Variants in CACNA1G observed in about 807,000 individuals in gnomAD.
CACNA1G encodes calcium voltage-gated channel subunit alpha1 G.
Under a neutral mutation model 219.4 loss-of-function variants are expected in CACNA1G, and 67 were observed. The observed-to-expected ratio is 0.31, with a 90% CI of 0.25 to 0.37. The LOEUF (loss-of-function observed/expected upper bound fraction) is 0.37, where lower values mean the gene tolerates loss of function less well. CACNA1G is among the 10% of genes least tolerant of loss of function. The pLI is 1.00. For synonymous variants in CACNA1G, 1,296 were observed against 1,345.3 expected, an observed-to-expected ratio of 0.96 and a Z score of 0.80; for missense variants, 2,380 against 3,231.4, an observed-to-expected ratio of 0.74 and a Z score of 6.39.
chr17:50,600,927 C>T lies in CACNA1G; in HGVS notation c.3791+101C>T, dbSNP rs997941583. Reference sequence around the variant, plus strand: ...CAGGGATTTGAGAAGTGGCACCCTGCCTGGGGTGTGAGCAGGGTGGCCTCA... The same window carrying T: ...CAGGGATTTGAGAAGTGGCACCCTGTCTGGGGTGTGAGCAGGGTGGCCTCA... On this transcript the variant is annotated intron_variant, in intron 18 of 37. Coordinates refer to ENST00000359106, the MANE Select transcript of CACNA1G (RefSeq NM_018896.5). This position sits in a 1 kb window ranked among gnomAD's most constrained non-coding sequence, Gnocchi z 4.1. 9.6e-6 allele frequency: 15 copies of T among 1,561,820 alleles called. No homozygotes were observed. The African/African-American group carries it at 1.8e-4, about 18-fold the overall frequency.
chr17:50,601,782 G>A (rs973385459), intron 19 of CACNA1G, among the ~76,000 whole-genome samples: 3 of 152,182 alleles, frequency 2.0e-5, no homozygotes, highest in African/African-American at 7.2e-5. Context: ...GCCCTTCGCT[G>A]TCGGCAGCAA....
At position 50,623,951 on chromosome 17, in the gene CACNA1G, T is replaced by C; in HGVS notation, c.6105T>C (p.Thr2035=). ...PTELPGPDLL[T]VRKSGVSRTH... ...AGCTGCCAGGACCAGACTTACTGAC[T>C]GTGCGGAAGTCTGGGGTCAGCCGAA... The change falls in exon 36 of 38, where the codon ACT becomes ACC. Residue 2035 remains threonine (T), a synonymous_variant. Coordinates refer to ENST00000359106, the MANE Select transcript of CACNA1G (RefSeq NM_018896.5). 6.2e-7 allele frequency: 1 copy of C among 1,613,312 alleles called. No individual in the cohort carries two copies. Among genetic ancestry groups the C allele is most frequent in the African/African-American group, 1.3e-5 (1 of 75,050 alleles).
In CACNA1G at chr17:50,617,541, C is replaced by A. The variant is rs1361597066; in HGVS notation, c.5125C>A (p.Arg1709Ser). 3 of 1,613,930 alleles carry A rather than the reference C, an allele frequency of 1.9e-6. No homozygotes were observed. In the African/African-American group the frequency reaches 4.0e-5, roughly 22 times the overall value. Reference protein sequence around the residue: ...ASLPINPTIIRIMRVLRIARV... With the variant: ...ASLPINPTIISIMRVLRIARV... The stretch of plus-strand genomic sequence containing the variant: ...GCTGCCCATCAACCCCACCATCATC[C>A]GCATCATGAGGGTGCTGCGCATTGC... The change falls in exon 29 of 38, where the codon CGC (arginine) becomes AGC (serine). Residue 1709 changes from arginine to serine, a missense_variant. By Grantham distance (110) the Arg-to-Ser change is moderately radical. Transcript: ENST00000359106. This position sits in a 1 kb window ranked among gnomAD's most constrained non-coding sequence, Gnocchi z 5.8.
In CACNA1G at chr17:50,616,504, C is replaced by T. The variant is rs543065046; in HGVS notation, c.5021+120C>T. ...TTTTCTTAATTCCTGAGGTTCAGCC[C>T]CCACCCTGTGGCTGACGTAGGGGAC... is the stretch of plus-strand genomic sequence containing the variant. On this transcript the variant is annotated intron_variant, in intron 28 of 37. Coordinates refer to ENST00000359106, the MANE Select transcript of CACNA1G (RefSeq NM_018896.5). 2.6e-5 allele frequency: 16 copies of T among 610,590 alleles called. 1 individual carries two copies. In the East Asian group the frequency reaches 4.7e-4, roughly 18 times the overall value. 37.8% of individuals were successfully genotyped at this position (610,590 alleles called of 1,614,324 possible). A position where few individuals can be genotyped will look rare whatever the true frequency, so the allele number is the denominator to read the frequency against.
In CACNA1G at chr17:50,561,004, T is replaced by C; in HGVS notation, c.-456T>C. On this transcript the variant is annotated 5_prime_UTR_variant, in exon 1 of 38. An upstream start codon of the reference 5' UTR is lost. Coordinates refer to ENST00000359106, the MANE Select transcript of CACNA1G (RefSeq NM_018896.5). ...GCCGCCTGGCGCGGAGCCGGGACGA[T>C]GCTGACCCCTTAGATCCGGCTCCAG... 1 of 295,404 alleles carries C rather than the reference T, an allele frequency of 3.4e-6. No homozygotes were observed. The highest frequency in any genetic ancestry group is 2.5e-5 in the South Asian group (1 of 39,978). 18.3% of individuals were successfully genotyped at this position (295,404 alleles called of 1,614,324 possible). A position where few individuals can be genotyped will look rare whatever the true frequency, so the allele number is the denominator to read the frequency against.
intron 9 of CACNA1G, among the ~76,000 whole-genome samples, chr17:50,587,164 C>T (rs569823734): frequency 6.6e-6 from 1 of 152,032 alleles, no homozygotes; most frequent in Admixed American, 6.5e-5. Context: ...ATGGTGGGGG[C>T]GATGTTGTGG....
Position 50,600,675 on chromosome 17 carries a change from C to G in CACNA1G, c.3691-51C>G, listed in dbSNP as rs2046437459. The G allele has an allele frequency of 6.6e-7, 1 of 1,510,404 alleles. No individual in the cohort carries two copies. 93.6% of individuals were successfully genotyped at this position (1,510,404 alleles called of 1,614,324 possible). ...GTGACTCTGCTGAGGAGCCAGGAGCCGGGGAACCTGGAGGCCTGGTCCTGC... is the reference window on the plus strand; with the variant it reads ...GTGACTCTGCTGAGGAGCCAGGAGCGGGGGAACCTGGAGGCCTGGTCCTGC... On this transcript the variant is annotated intron_variant, in intron 17 of 37. Transcript: ENST00000359106. This position sits in a 1 kb window ranked among gnomAD's most constrained non-coding sequence, Gnocchi z 4.1.
At chr17:50,582,583 T>A (rs192799691) in intron 9 of CACNA1G, among the ~76,000 whole-genome samples, 1 of 152,118 alleles carries the variant, frequency 6.6e-6, no homozygotes, top group African/African-American at 2.4e-5. Flanking sequence ...AGAAAAGAAG[T>A]TGCCTTCTCT....
chr17:50,594,959 A>G, intron 13 of CACNA1G, 34 bp from the exon 14 acceptor site: 2 of 1,536,822 alleles, frequency 1.3e-6, no homozygotes, highest in Admixed American at 2.0e-5. Context: ...GCCTGTGACC[A>G]GCAGCCCTCC....
At chr17:50,608,057 CCT>C in intron 25 of CACNA1G, 38 bp downstream of exon 25, 2 of 1,558,422 alleles carry the variant, frequency 1.3e-6, no homozygotes, top group East Asian at 2.4e-5. Context: ...AGTCTTTCCA[CCT>C]CTCTCTGGGT....
rs566717814 is a variant in CACNA1G, at chr17:50,619,517, G to A, written c.5782-166G>A. Among the ~76,000 whole-genome samples the A allele has an allele frequency of 9.9e-5, 12 of 121,420 alleles. 1 individual carries two copies. In the South Asian group the frequency reaches 3.4e-3, roughly 35 times the overall value. The allele number at this position is 121,420 out of a possible 152,430, so 79.7% of individuals were successfully genotyped here. On this transcript the variant is annotated intron_variant, in intron 33 of 37. Coordinates refer to ENST00000359106, the MANE Select transcript of CACNA1G (RefSeq NM_018896.5). Reference sequence around the variant, plus strand: ...ACCCCCTCCTCTTTTTCTCTTTGTTGCTGTGTGTGTTTTTGTGTGTGTGCA... The same window carrying A: ...ACCCCCTCCTCTTTTTCTCTTTGTTACTGTGTGTGTTTTTGTGTGTGTGCA...
At position 50,592,326 on chromosome 17, in the gene CACNA1G, T is replaced by G. The variant is rs373346676; in HGVS notation, c.2910+234T>G. On this transcript the variant is annotated intron_variant, in intron 13 of 37. Coordinates refer to ENST00000359106, the MANE Select transcript of CACNA1G (RefSeq NM_018896.5). ...TGGGGTCCCTCCACCAAAGCTTAGC[T>G]ACCGAGTAGACATCCCCTTCAGAGT... Among the ~76,000 whole-genome samples, 1,056 of 152,252 alleles carry G rather than the reference T, an allele frequency of 6.9e-3. 37 individuals carry two copies. Among genetic ancestry groups the G allele is most frequent in the Non-Finnish European group, 3.5e-3 (235 of 68,014 alleles).
intron 22 of CACNA1G, 87 bp downstream of exon 22, chr17:50,604,368 T>C: frequency 6.7e-7 from 1 of 1,487,104 alleles, no homozygotes; most frequent in Non-Finnish European, 9.2e-7. Context: ...CTCAAGCTGC[T>C]GTTGCTGCCT....
In CACNA1G at chr17:50,624,354, C is replaced by G. The variant is rs376766170; in HGVS notation, c.6230-6C>G. On this transcript the variant is annotated splice_polypyrimidine_tract_variant and splice_region_variant and intron_variant, in intron 36 of 37. Coordinates refer to ENST00000359106, the MANE Select transcript of CACNA1G (RefSeq NM_018896.5). ...CCACCCCTCCCCCGCTTCCCTCCCTCCACAGGCTCCGTCTTGTCCGTTCAC... is the reference window on the plus strand; with the variant it reads ...CCACCCCTCCCCCGCTTCCCTCCCTGCACAGGCTCCGTCTTGTCCGTTCAC... 18 of 1,553,308 alleles carry G rather than the reference C, an allele frequency of 1.2e-5. No individual in the cohort carries two copies. Among genetic ancestry groups the G allele is most frequent in the Non-Finnish European group, 1.6e-5 (18 of 1,143,070 alleles).
In CACNA1G at chr17:50,600,133, C is replaced by T. The variant is rs955955876; in HGVS notation, c.3690+274C>T. Among the ~76,000 whole-genome samples the T allele has an allele frequency of 1.1e-4, 16 of 152,150 alleles. No individual in the cohort carries two copies. Among genetic ancestry groups the T allele is most frequent in the Non-Finnish European group, 1.0e-4 (7 of 68,020 alleles). Reference sequence around the variant, plus strand: ...TGTGTATGAATCTTTCATGGCCCTCCCCCTGTGACTCAGAAAGACCCATCA... The same window carrying T: ...TGTGTATGAATCTTTCATGGCCCTCTCCCTGTGACTCAGAAAGACCCATCA... On this transcript the variant is annotated intron_variant, in intron 17 of 37. Coordinates refer to ENST00000359106, the MANE Select transcript of CACNA1G (RefSeq NM_018896.5). This position sits in a 1 kb window ranked among gnomAD's most constrained non-coding sequence, Gnocchi z 4.1.
intron 1 of CACNA1G, among the ~76,000 whole-genome samples, chr17:50,568,047 T>G (rs2038401668): frequency 6.6e-6 from 1 of 152,124 alleles, no homozygotes; most frequent in Non-Finnish European, 1.5e-5. Flanking sequence ...TCCTCAATAT[T>G]TAAATGTGTG....
Position 50,602,868 on chromosome 17 carries a change from C to G in CACNA1G, c.3964C>G (p.Leu1322Val), listed in dbSNP as rs766736425. Residue 1322 changes from leucine to valine, a missense_variant, in exon 20 of 38, where the codon CTG (leucine) becomes GTG (valine). By Grantham distance (32) the Leu-to-Val change is conservative. Around this residue, in one of 17 missense-constraint regions of CACNA1G, gnomAD observed 153 missense variants for 374.9 expected, o/e 0.41. Coordinates refer to ENST00000359106, the MANE Select transcript of CACNA1G (RefSeq NM_018896.5). Reference sequence around the variant, plus strand: ...CAATTACATCTTCACCGCAGTCTTTCTGGCTGAAATGACAGTGAAGGTGAT... The same window carrying G: ...CAATTACATCTTCACCGCAGTCTTTGTGGCTGAAATGACAGTGAAGGTGAT... Reference protein sequence around the residue: ...LSNYIFTAVFLAEMTVKVVAL... With the variant: ...LSNYIFTAVFVAEMTVKVVAL... The G allele has an allele frequency of 1.1e-5, 18 of 1,613,498 alleles. No individual in the cohort carries two copies. Among genetic ancestry groups the G allele is most frequent in the African/African-American group, 1.3e-5 (1 of 74,776 alleles).
chr17:50,607,809 C>T lies in CACNA1G; in HGVS notation c.4513-18C>T, dbSNP rs2048274102. 1 of 1,611,096 alleles carries T rather than the reference C, an allele frequency of 6.2e-7. No homozygotes were observed. The highest frequency in any genetic ancestry group is 1.7e-5 in the Admixed American group (1 of 60,010). On this transcript the variant is annotated intron_variant, in intron 24 of 37. Coordinates refer to ENST00000359106, the MANE Select transcript of CACNA1G (RefSeq NM_018896.5). ...CCTCGGGCTGATGCCTCCGCCTGTC[C>T]TTCCTGCTCCCCGCCAGCCCATCAT...
Position 50,562,006 on chromosome 17 carries a change from C to A in CACNA1G, c.242+305C>A, listed in dbSNP as rs79525262. The A allele has an allele frequency of 0.11, 37,499 of 341,340 alleles. 6,024 individuals carry two copies. Among genetic ancestry groups the A allele is most frequent in the East Asian group, 0.81 (9,537 of 11,744 alleles). The allele number at this position is 341,340 out of a possible 1,614,324, so 21.1% of individuals were successfully genotyped here. A position where few individuals can be genotyped will look rare whatever the true frequency, so the allele number is the denominator to read the frequency against. ...TGCCCCGCTGGCTCGCAGCTGGACG[C>A]CCTCCAGATGTGGTCAGGGGAGGGT... On this transcript the variant is annotated intron_variant, in intron 1 of 37. Transcript: ENST00000359106.
Sources: allele counts gnomAD v4.1 joint callset (sites outside exome capture counted in the v4.1 genomes callset), GRCh38; gene constraint gnomAD v4.1.1; regional missense constraint gnomAD v4.1.1; non-coding constraint Gnocchi (gnomAD v3.1); transcripts MANE v1.5; gene names NCBI Gene and HGNC (gene_info 2026-07-23, HGNC 2026-07-21).